The following DOCK1 variants were observed in gnomAD, a reference collection of about 807,000 sequenced individuals.
The protein encoded by DOCK1 is dedicator of cytokinesis 1.
DOCK1 carries 138 observed loss-of-function variants against 262.7 expected under a neutral mutation model. The observed-to-expected ratio is 0.53, with a 90% CI of 0.46 to 0.61. The LOEUF (loss-of-function observed/expected upper bound fraction) is 0.61. Among genes scored for constraint, DOCK1 ranks in the 20% least tolerant of loss-of-function variants. DOCK1 has a pLI of 0.00. For synonymous variants in DOCK1, 866 were observed against 867.4 expected, an observed-to-expected ratio of 1.00 and a Z score of 0.03; for missense variants, 1,908 against 2,370.7, an observed-to-expected ratio of 0.80 and a Z score of 4.05.
intron 23 of DOCK1, among the ~76,000 whole-genome samples, chr10:127,078,049 G>A (rs2046674478): frequency 6.6e-6 from 1 of 152,112 alleles, no homozygotes; most frequent in African/African-American, 2.4e-5. Flanking sequence ...ATTTGGACGA[G>A]GAGGTGCTGT....
chr10:127,294,650 ATT>A (rs34901936), intron 29 of DOCK1, among the ~76,000 whole-genome samples: 22,829 of 127,494 alleles, frequency 0.18, 1,999 homozygotes, highest in East Asian at 0.27. Flanking sequence ...GAGTTGTCCT[ATT>A]TTTTTTTTTT....
At position 127,451,766 on chromosome 10, in the gene DOCK1, T is replaced by C. The variant is rs2070987437; in HGVS notation, c.*339T>C. The C allele has an allele frequency of 3.0e-6, 1 of 335,628 alleles. No homozygotes were observed. 20.8% of individuals were successfully genotyped at this position (335,628 alleles called of 1,614,324 possible). ...TGACTTGCATTTGCAAAGAGCTCAA[T>C]TGCTCTGAGCTCAGCCAAGTAGGAG... On this transcript the variant is annotated 3_prime_UTR_variant, in exon 52 of 52. Transcript: ENST00000623213.
chr10:127,451,398 G>A lies in DOCK1; in HGVS notation c.5632G>A (p.Ala1878Thr), dbSNP rs2229603. 1,524,327 of 1,594,154 alleles carry A rather than the reference G, an allele frequency of 0.96. 732,457 individuals carry two copies. Among genetic ancestry groups the A allele is most frequent in the Non-Finnish European group, 0.98 (1,142,131 of 1,170,654 alleles). Residue 1878 changes from alanine (A) to threonine (T), a missense_variant, in exon 52 of 52, where the codon GCA (alanine) becomes ACA (threonine). By Grantham distance (58) the Ala-to-Thr change is moderately conservative. Transcript: ENST00000623213. ...PPPPKTTRKQ[A>T]SVDSGIVQ The stretch of plus-strand genomic sequence containing the variant: ...CCCTCCAAAGACAACTCGCAAGCAG[G>A]CATCGGTGGACTCCGGGATCGTGCA...
At chr10:127,371,900 G>A (rs2065227846) in intron 33 of DOCK1, among the ~76,000 whole-genome samples, 1 of 152,118 alleles carries the variant, frequency 6.6e-6, no homozygotes, top group African/African-American at 2.4e-5. Context: ...AGTATCAAAA[G>A]GTTGTTATTT....
chr10:127,132,100 T>C (rs997017753), intron 27 of DOCK1, among the ~76,000 whole-genome samples: 7 of 152,194 alleles, frequency 4.6e-5, no homozygotes, highest in Admixed American at 2.0e-4. Flanking sequence ...CCCCTATTAA[T>C]GTAAGGAATA....
intron 1 of DOCK1, among the ~76,000 whole-genome samples, chr10:126,931,466 T>G (rs1163831765): frequency 6.6e-6 from 1 of 151,682 alleles, no homozygotes; most frequent in African/African-American, 2.4e-5. Flanking sequence ...GGCCCAGAAG[T>G]GCAGGTTCAG....
intron 32 of DOCK1, among the ~76,000 whole-genome samples, chr10:127,355,928 G>T (rs1291334741): frequency 6.6e-6 from 1 of 152,218 alleles, no homozygotes; most frequent in Non-Finnish European, 1.5e-5. Flanking sequence ...GGAATGGAAA[G>T]CCACAGCAGA....
intron 46 of DOCK1, among the ~76,000 whole-genome samples, chr10:127,420,071 AAGCCTTGAGCTCT>A (rs1220802192): frequency 2.0e-5 from 3 of 152,214 alleles, no homozygotes; most frequent in East Asian, 1.9e-4. Context: ...CAGAGCCATG[AAGCCTTGAGCTCT>A]AGCCTGTGCC....
At chr10:127,044,556 T>C (rs1400183491) in intron 21 of DOCK1, among the ~76,000 whole-genome samples, 1 of 152,160 alleles carries the variant, frequency 6.6e-6, no homozygotes, top group Non-Finnish European at 1.5e-5. Flanking sequence ...AAACAGGAGC[T>C]TGTGGGGTTT....
At chr10:127,281,629 CA>C (rs1306016917) in intron 29 of DOCK1, among the ~76,000 whole-genome samples, 1 of 152,140 alleles carries the variant, frequency 6.6e-6, no homozygotes, top group African/African-American at 2.4e-5. Flanking sequence ...CTCAGGACCC[CA>C]TGCCTCATTG....
At chr10:127,161,197 C>G (rs1354040634) in intron 27 of DOCK1, among the ~76,000 whole-genome samples, 2 of 152,190 alleles carry the variant, frequency 1.3e-5, no homozygotes, top group Non-Finnish European at 2.9e-5. Flanking sequence ...TAGACTTCAC[C>G]ATATACTCAT....
At chr10:127,247,955 T>C (rs2059487181) in intron 27 of DOCK1, 53 bp from the exon 28 acceptor site, 2 of 1,571,018 alleles carry the variant, frequency 1.3e-6, no homozygotes, top group East Asian at 4.5e-5. Flanking sequence ...TTTCGGCTTT[T>C]CCCATGAGTG....
At chr10:127,199,635 G>A (rs536351914) in intron 27 of DOCK1, among the ~76,000 whole-genome samples, 9 of 152,276 alleles carry the variant, frequency 5.9e-5, no homozygotes, top group East Asian at 3.9e-4. Flanking sequence ...CCAAGAATGC[G>A]ACAAAGTTAT....
intron 27 of DOCK1, among the ~76,000 whole-genome samples, chr10:127,229,986 T>C (rs959052552): frequency 6.6e-6 from 1 of 152,246 alleles, no homozygotes; most frequent in African/African-American, 2.4e-5. Context: ...ATTAGTGATG[T>C]TGAGCATTTT....
At chr10:126,991,018 T>C (rs1422477570) in intron 6 of DOCK1, among the ~76,000 whole-genome samples, 2 of 152,194 alleles carry the variant, frequency 1.3e-5, no homozygotes, top group Non-Finnish European at 2.9e-5. Flanking sequence ...GAGTGGACAT[T>C]AGATCACTGG....
Position 126,938,325 on chromosome 10 carries a change from G to C in DOCK1, c.47-32377G>C, listed in dbSNP as rs2034696988. On this transcript the variant is annotated intron_variant, in intron 1 of 51. Coordinates refer to ENST00000623213, the MANE Select transcript of DOCK1 (RefSeq NM_001290223.2). ...AGCATCCCAAAGTGCTGGGATTACA[G>C]GCAAGAGCCACTGCGCCCGGCCTGG... Among the ~76,000 whole-genome samples, 6 of 152,204 alleles carry C rather than the reference G, an allele frequency of 3.9e-5. No homozygotes were observed. In the South Asian group the frequency reaches 1.2e-3, roughly 31 times the overall value.
At chr10:127,030,788 A>G (rs903632198) in intron 16 of DOCK1, among the ~76,000 whole-genome samples, 18 of 150,716 alleles carry the variant, frequency 1.2e-4, no homozygotes, top group Admixed American at 4.6e-4. Context: ...CTATCAATCT[A>G]TCTCTATCTC....
At chr10:127,147,308 C>T (rs1039642131) in intron 27 of DOCK1, among the ~76,000 whole-genome samples, 2 of 152,152 alleles carry the variant, frequency 1.3e-5, no homozygotes, top group African/African-American at 4.8e-5. Flanking sequence ...TGTTTGTCCT[C>T]CTAGTTCCTG....
intron 1 of DOCK1, 33 bp downstream of exon 1, chr10:126,905,596 C>G (rs758755296): frequency 2.9e-6 from 1 of 341,008 alleles, no homozygotes; most frequent in Non-Finnish European, 5.3e-6. Flanking sequence ...CGCCTCTCGC[C>G]CCAAGCCCAG....
Sources: allele counts gnomAD v4.1 joint callset (sites outside exome capture counted in the v4.1 genomes callset), GRCh38; gene constraint gnomAD v4.1.1; transcripts MANE v1.5; gene names NCBI Gene and HGNC (gene_info 2026-07-23, HGNC 2026-07-21).